CHL1: variants seen among roughly 807,000 people sequenced by gnomAD.
CHL1 encodes neural cell adhesion molecule L1-like protein.
In CHL1, 96 loss-of-function variants were observed where a neutral mutation model predicts 141.9. That is an observed-to-expected ratio of 0.68 (90% confidence interval 0.57 to 0.80). The LOEUF (loss-of-function observed/expected upper bound fraction) is 0.80, where lower values mean the gene tolerates loss of function less well. Ranked by LOEUF, CHL1 falls within the 30% of genes least tolerant of loss-of-function variation. The pLI, the probability that CHL1 is intolerant of heterozygous loss-of-function variation, is 0.00. For synonymous variants in CHL1, 613 were observed against 502.2 expected (o/e 1.22, Z -2.95); for missense variants, 1,820 against 1,457.2 (o/e 1.25, Z -4.05).
intron 1 of CHL1, among the ~76,000 whole-genome samples, chr3:215,790 C>A (rs1482927442): frequency 6.6e-6 from 1 of 152,082 alleles, no homozygotes; most frequent in African/African-American, 2.4e-5. Context: ...TGCATTGAAG[C>A]ATCTCTTTCA....
intron 1 of CHL1, among the ~76,000 whole-genome samples, chr3:206,719 T>A (rs1030504205): frequency 2.0e-5 from 3 of 152,160 alleles, no homozygotes; most frequent in African/African-American, 7.2e-5. Context: ...AATCAAGTCA[T>A]ATAAGCGTCT....
At chr3:320,626 A>G (rs546996719) in intron 3 of CHL1, among the ~76,000 whole-genome samples, 8 of 152,178 alleles carry the variant, frequency 5.3e-5, no homozygotes, top group African/African-American at 9.6e-5. Flanking sequence ...GTTCAAGACT[A>G]TAGTGTGCAA....
At chr3:227,105 T>A (rs1260256510) in intron 1 of CHL1, among the ~76,000 whole-genome samples, 1 of 152,206 alleles carries the variant, frequency 6.6e-6, no homozygotes, top group Non-Finnish European at 1.5e-5. Flanking sequence ...AGCGTAAATG[T>A]TGTCCACCTC....
At chr3:210,264 T>A (rs1459367169) in intron 1 of CHL1, among the ~76,000 whole-genome samples, 6 of 152,254 alleles carry the variant, frequency 3.9e-5, no homozygotes, top group Non-Finnish European at 5.9e-5. Context: ...AACTAACTCA[T>A]ACCTTTAAAC....
Position 269,559 on chromosome 3 carries a change from C to T in CHL1, c.-95+24867C>T, listed in dbSNP as rs564929676. ...TATATATATGAGATGGAGTTCTGCT[C>T]TTGTGGCCCAGGCTGGAGTGCAATG... On this transcript the variant is annotated intron_variant, in intron 2 of 27. Coordinates refer to ENST00000256509, the MANE Select transcript of CHL1 (RefSeq NM_006614.4). Among the ~76,000 whole-genome samples the T allele has an allele frequency of 2.0e-5, 3 of 152,204 alleles. No homozygotes were observed. In the East Asian group the frequency reaches 5.8e-4, roughly 29 times the overall value.
intron 2 of CHL1, among the ~76,000 whole-genome samples, chr3:311,171 G>C (rs995140844): frequency 2.0e-5 from 3 of 152,020 alleles, no homozygotes; most frequent in African/African-American, 7.3e-5. Context: ...TATAAATAAA[G>C]CTGTTAAACA....
chr3:265,688 G>A (rs1416773996), intron 2 of CHL1, among the ~76,000 whole-genome samples: 5 of 152,180 alleles, frequency 3.3e-5, no homozygotes, highest in African/African-American at 4.8e-5. Context: ...GGGAGATGTG[G>A]GGAATGGGTG....
At chr3:383,631 C>T (rs1226518294) in intron 18 of CHL1, among the ~76,000 whole-genome samples, 185 bp from the exon 19 acceptor site, 2 of 152,110 alleles carry the variant, frequency 1.3e-5, no homozygotes, top group East Asian at 1.9e-4. Flanking sequence ...GACTGTTTTA[C>T]TCTTTTAAAT....
chr3:396,013 T>C (rs1708635929), intron 24 of CHL1, among the ~76,000 whole-genome samples: 1 of 152,320 alleles, frequency 6.6e-6, no homozygotes, highest in Admixed American at 6.5e-5. Flanking sequence ...CATCTTATTG[T>C]GCCTACTATA....
At chr3:248,976 G>T (rs750961612) in intron 2 of CHL1, among the ~76,000 whole-genome samples, 1 of 152,188 alleles carries the variant, frequency 6.6e-6, no homozygotes, top group Non-Finnish European at 1.5e-5. Flanking sequence ...AAAATCCAAT[G>T]AAAGGAGAAA....
chr3:322,688 A>ATAT, intron 3 of CHL1, among the ~76,000 whole-genome samples: 1 of 144,908 alleles, frequency 6.9e-6, no homozygotes, highest in South Asian at 2.1e-4. Flanking sequence ...ATATATATAT[A>ATAT]AAACGAATAG....
intron 19 of CHL1, among the ~76,000 whole-genome samples, chr3:388,845 A>T (rs1223213693): frequency 2.0e-5 from 3 of 152,234 alleles, no homozygotes; most frequent in African/African-American, 4.8e-5. Context: ...TCCCATTCAC[A>T]ACCAAAGAAT....
intron 2 of CHL1, among the ~76,000 whole-genome samples, chr3:288,973 C>T (rs942734003): frequency 2.0e-5 from 3 of 151,972 alleles, no homozygotes; most frequent in Non-Finnish European, 2.9e-5. Context: ...TTTTATTTCC[C>T]GATTTCTTTC....
At chr3:347,020 T>C (rs1284530788) in intron 9 of CHL1, among the ~76,000 whole-genome samples, 1 of 152,188 alleles carries the variant, frequency 6.6e-6, no homozygotes, top group East Asian at 1.9e-4. Flanking sequence ...TTGGCAAGAA[T>C]TTCCAGCTAT....
At chr3:390,846 T>G in intron 21 of CHL1, 30 bp downstream of exon 21, 1 of 1,511,904 alleles carries the variant, frequency 6.6e-7, no homozygotes, top group Non-Finnish European at 9.2e-7. Flanking sequence ...TTCCTCTTCT[T>G]GTTGAATTGG....
intron 1 of CHL1, among the ~76,000 whole-genome samples, chr3:229,204 T>C (rs1008821968): frequency 6.6e-6 from 1 of 152,328 alleles, no homozygotes; most frequent in Non-Finnish European, 1.5e-5. Context: ...TCTGCTAGCA[T>C]GTTTTATGCC....
intron 1 of CHL1, among the ~76,000 whole-genome samples, chr3:217,900 C>G (rs1700463298): frequency 6.6e-6 from 1 of 151,944 alleles, no homozygotes; most frequent in South Asian, 2.1e-4. Context: ...GAGAGGAGGA[C>G]CAGTTGGTAT....
chr3:363,888 T>C (rs1359437512), intron 14 of CHL1: 1 of 152,284 alleles, frequency 6.6e-6, no homozygotes, highest in African/African-American at 2.4e-5. Flanking sequence ...TTTCTTGGGC[T>C]TCACTGATAT....
At chr3:370,759 C>A (rs1705528723) in intron 15 of CHL1, among the ~76,000 whole-genome samples, 1 of 152,252 alleles carries the variant, frequency 6.6e-6, no homozygotes, top group African/African-American at 2.4e-5. Context: ...ATAAATTTCC[C>A]TCTTAACACT....
Sources: allele counts gnomAD v4.1 joint callset (sites outside exome capture counted in the v4.1 genomes callset), GRCh38; gene constraint gnomAD v4.1.1; transcripts MANE v1.5; gene names NCBI Gene and HGNC (gene_info 2026-07-23, HGNC 2026-07-21).